The following PARD3B variants were observed in gnomAD, a reference collection of about 807,000 sequenced individuals.
The protein encoded by PARD3B is partitioning defective 3 homolog B.
Under a neutral mutation model 130.2 loss-of-function variants are expected in PARD3B, and 103 were observed. The ratio of observed to expected loss-of-function variants is 0.79; its 90% CI spans 0.67 to 0.93. PARD3B has a LOEUF of 0.93. PARD3B is among the 40% of genes least tolerant of loss of function. The pLI is 0.00. For synonymous variants in PARD3B, 583 were observed against 553.2 expected (o/e 1.05, Z -0.76); for missense variants, 1,609 against 1,499.2 (o/e 1.07, Z -1.21).
At chr2:205,376,887 G>A (rs2045078838) in intron 18 of PARD3B, among the ~76,000 whole-genome samples, 2 of 152,252 alleles carry the variant, frequency 1.3e-5, no homozygotes, top group South Asian at 4.2e-4. Context: ...GCTTCAGTGA[G>A]AATGGAGAGG....
At chr2:204,553,561 T>C (rs1307085827) in intron 1 of PARD3B, among the ~76,000 whole-genome samples, 1 of 137,314 alleles carries the variant, frequency 7.3e-6, no homozygotes, top group Non-Finnish European at 1.6e-5. Flanking sequence ...TGTGTGTGTG[T>C]ATATATATAT....
In PARD3B at chr2:205,263,391, G is replaced by C. The variant is rs896245967; in HGVS notation, c.2185+17569G>C. ...ACAGTGCAAACAGGAACTATTTACT[G>C]AAAGTCCTTACTAAGGAGTTTCCCT... On this transcript the variant is annotated intron_variant, in intron 16 of 22. Transcript: ENST00000406610. The surrounding 1 kb of genome is among the most constrained non-coding windows in gnomAD (Gnocchi z 4.0). Among the ~76,000 whole-genome samples the C allele has an allele frequency of 1.4e-5, 2 of 142,118 alleles. No homozygotes were observed. The highest frequency in any genetic ancestry group is 2.6e-5 in the African/African-American group (1 of 38,798). 93.2% of individuals were successfully genotyped at this position (142,118 alleles called of 152,430 possible). A position where few individuals can be genotyped will look rare whatever the true frequency, so the allele number is the denominator to read the frequency against.
In PARD3B at chr2:204,914,622, C is replaced by T. The variant is rs74591534; in HGVS notation, c.223-50530C>T. Among the ~76,000 whole-genome samples the T allele has an allele frequency of 2.5e-3, 386 of 152,190 alleles. 3 individuals are homozygous for T. Among genetic ancestry groups the T allele is most frequent in the African/African-American group, 8.6e-3 (359 of 41,540 alleles). On this transcript the variant is annotated intron_variant, in intron 2 of 22. Transcript: ENST00000406610. ...AGTGATGTATCATGTAGGAATTGTT[C>T]GAAAACCAGTAAGAAACCTCCTGTG... is the stretch of plus-strand genomic sequence containing the variant.
chr2:205,113,545 T>G lies in PARD3B; in HGVS notation c.648T>G (p.His216Gln). 4.3e-6 allele frequency: 7 copies of G among 1,613,250 alleles called. No homozygotes were observed. Among genetic ancestry groups the G allele is most frequent in the Non-Finnish European group, 5.9e-6 (7 of 1,179,440 alleles). Residue 216 changes from histidine to glutamine, a missense_variant, in exon 6 of 23, where the codon CAT becomes CAG. Coordinates refer to ENST00000406610, the MANE Select transcript of PARD3B (RefSeq NM_001302769.2). ...GGGAAGGAGGCCCATTGGGAATACATGTAGTGCCCTTCTTTTCATCTCTGA... is the reference window on the plus strand; with the variant it reads ...GGGAAGGAGGCCCATTGGGAATACAGGTAGTGCCCTTCTTTTCATCTCTGA... ...ISGEGGPLGI[H>Q]VVPFFSSLSG...
chr2:205,073,244 T>G (rs1480866030), intron 4 of PARD3B, among the ~76,000 whole-genome samples: 2 of 152,170 alleles, frequency 1.3e-5, no homozygotes, highest in Admixed American at 6.5e-5. Flanking sequence ...TCCCCTCTTG[T>G]GTAAACAGCA....
intron 4 of PARD3B, among the ~76,000 whole-genome samples, chr2:205,075,382 CAA>C (rs1286093728): frequency 2.0e-5 from 3 of 151,934 alleles, no homozygotes; most frequent in Non-Finnish European, 2.9e-5. Flanking sequence ...TTATTGCATA[CAA>C]TGATTAAATT....
intron 15 of PARD3B, among the ~76,000 whole-genome samples, chr2:205,205,526 T>C (rs1402543304): frequency 2.0e-5 from 3 of 152,202 alleles, no homozygotes; most frequent in Non-Finnish European, 4.4e-5. Flanking sequence ...CTTGTGCCAG[T>C]TTTCAAAGGG....
intron 2 of PARD3B, among the ~76,000 whole-genome samples, chr2:204,919,876 A>G (rs2047598091): frequency 6.6e-6 from 1 of 152,204 alleles, no homozygotes; most frequent in Middle Eastern, 3.4e-3. Flanking sequence ...GGTTTTAGAA[A>G]CATTTCTGTG....
At chr2:205,388,520 T>C (rs1216165111) in intron 18 of PARD3B, among the ~76,000 whole-genome samples, 3 of 152,206 alleles carry the variant, frequency 2.0e-5, no homozygotes, top group African/African-American at 7.2e-5. Flanking sequence ...TATACAATAC[T>C]TTTGTGATTG....
chr2:204,897,480 A>T (rs996148761), intron 2 of PARD3B, among the ~76,000 whole-genome samples: 1 of 145,074 alleles, frequency 6.9e-6, no homozygotes, highest in Non-Finnish European at 1.5e-5. Flanking sequence ...AACTCTGATT[A>T]TTTTTTTTCT....
chr2:204,695,470 C>T (rs995403191), intron 2 of PARD3B, among the ~76,000 whole-genome samples: 1 of 152,004 alleles, frequency 6.6e-6, no homozygotes, highest in Non-Finnish European at 1.5e-5. Context: ...AAATCAGCTT[C>T]ACTAAAGCAG....
intron 2 of PARD3B, among the ~76,000 whole-genome samples, chr2:204,910,722 C>T (rs1405598348): frequency 6.6e-6 from 1 of 152,152 alleles, no homozygotes; most frequent in African/African-American, 2.4e-5. Context: ...TCACTGCAAG[C>T]TCCGCCTCTC....
chr2:205,538,444 AAAC>A (rs1045988374), intron 21 of PARD3B, among the ~76,000 whole-genome samples: 23 of 150,656 alleles, frequency 1.5e-4, no homozygotes, highest in African/African-American at 9.8e-5. Flanking sequence ...TTGTTTCTGT[AAAC>A]AACAATAAGA....
At chr2:205,588,716 C>A (rs1575432309) in intron 22 of PARD3B, among the ~76,000 whole-genome samples, 1 of 152,154 alleles carries the variant, frequency 6.6e-6, no homozygotes, top group Non-Finnish European at 1.5e-5. Flanking sequence ...ATTGTATATA[C>A]ATTATACTTC....
chr2:204,698,872 A>G (rs749799306), intron 2 of PARD3B, among the ~76,000 whole-genome samples: 191 of 152,194 alleles, frequency 1.3e-3, no homozygotes, highest in Admixed American at 2.1e-3. Context: ...ATGTCGCTTC[A>G]ACTGGGTGCA....
chr2:204,805,505 C>A (rs1401491488), intron 2 of PARD3B, among the ~76,000 whole-genome samples: 1 of 151,986 alleles, frequency 6.6e-6, no homozygotes. Flanking sequence ...GAATACCAGC[C>A]CTACCCAAAC....
intron 1 of PARD3B, among the ~76,000 whole-genome samples, chr2:204,589,082 G>A (rs571384817): frequency 1.4e-4 from 22 of 152,212 alleles, no homozygotes; most frequent in South Asian, 1.0e-3. Flanking sequence ...GGACACCCAC[G>A]GAAGGTAGAC....
intron 1 of PARD3B, among the ~76,000 whole-genome samples, chr2:204,616,473 T>A (rs1394812708): frequency 6.6e-6 from 1 of 152,068 alleles, no homozygotes; most frequent in Non-Finnish European, 1.5e-5. Context: ...CAACACCAAA[T>A]GCTATTGAGA....
At position 205,566,657 on chromosome 2, in the gene PARD3B, G is replaced by A. The variant is rs370633269; in HGVS notation, c.3260+13254G>A. ...CTGAAATGTGCCCTAGAGATGTCTC[G>A]ACATGGATGGGAATTGCAATGGCTG... is the stretch of plus-strand genomic sequence containing the variant. On this transcript the variant is annotated intron_variant, in intron 22 of 22. Transcript: ENST00000406610. Among the ~76,000 whole-genome samples the A allele has an allele frequency of 3.2e-4, 48 of 152,262 alleles. No individual in the cohort carries two copies. The South Asian group carries it at 5.2e-3, about 16-fold the overall frequency.
Sources: allele counts gnomAD v4.1 joint callset (sites outside exome capture counted in the v4.1 genomes callset), GRCh38; gene constraint gnomAD v4.1.1; non-coding constraint Gnocchi (gnomAD v3.1); transcripts MANE v1.5; gene names NCBI Gene and HGNC (gene_info 2026-07-23, HGNC 2026-07-21).